The following USP12 variants were observed in gnomAD, a reference collection of about 807,000 sequenced individuals.
USP12 encodes the protein ubiquitin specific peptidase 12.
Under a neutral mutation model 45.5 loss-of-function variants are expected in USP12, and 19 were observed. That is an observed-to-expected ratio of 0.42 (90% confidence interval 0.29 to 0.61). The LOEUF (loss-of-function observed/expected upper bound fraction) is 0.61, where lower values mean the gene tolerates loss of function less well. Ranked by LOEUF, USP12 falls within the 20% of genes least tolerant of loss-of-function variation. The pLI is 0.22. For synonymous variants in USP12, 149 were observed against 148.8 expected (o/e 1.00, Z -0.01); for missense variants, 242 against 447.7 (o/e 0.54, Z 4.15).
chr13:27,091,256 G>C (rs1874301031), intron 4 of USP12, among the ~76,000 whole-genome samples: 1 of 152,230 alleles, frequency 6.6e-6, no homozygotes, highest in Admixed American at 6.5e-5. Context: ...AGGTAGGCTA[G>C]CCAGATCAGG....
intron 6 of USP12, 181 bp downstream of exon 6, chr13:27,089,702 T>C (rs1245872983): frequency 5.1e-6 from 3 of 590,778 alleles, no homozygotes; most frequent in South Asian, 4.9e-5. Context: ...ACAGTTTTTG[T>C]AAAATAAACA....
intron 6 of USP12, among the ~76,000 whole-genome samples, chr13:27,076,127 A>T (rs1361957660): frequency 1.3e-5 from 2 of 152,030 alleles, no homozygotes; most frequent in Admixed American, 1.3e-4. Context: ...TTTTTCTATC[A>T]ATCTATATGA....
intron 1 of USP12, among the ~76,000 whole-genome samples, chr13:27,120,728 G>T (rs1875945774): frequency 6.6e-6 from 1 of 151,452 alleles, no homozygotes; most frequent in Non-Finnish European, 1.5e-5. Context: ...ATTTTTTTCT[G>T]ACTTCTGTCC....
chr13:27,094,016 C>T lies in USP12; in HGVS notation c.573+1585G>A, dbSNP rs373850556. Among the ~76,000 whole-genome samples the T allele has an allele frequency of 3.3e-5, 5 of 152,116 alleles. No homozygotes were observed. The East Asian group carries it at 7.7e-4, about 23-fold the overall frequency. On this transcript the variant is annotated intron_variant, in intron 4 of 8. Coordinates refer to ENST00000282344, the MANE Select transcript of USP12 (RefSeq NM_182488.4). ...CTTTACAGGACTCTTAGCTTTCTTG[C>T]TTGTGGACCCTATTTTCCAATGTTA...
At chr13:27,164,152 AAAAT>A (rs1350918727) in intron 1 of USP12, among the ~76,000 whole-genome samples, 4 of 152,200 alleles carry the variant, frequency 2.6e-5, no homozygotes, top group Non-Finnish European at 4.4e-5. Context: ...AAAAAGCACT[AAAAT>A]AAAATCAAAG....
In USP12 at chr13:27,136,835, A is replaced by G. The variant is rs148933463; in HGVS notation, c.49-20239T>C. ...TACAATATTTAAGTAATAAAATGAT[A>G]TTTGGGATTTGCCCCTAAAGAATCT... On this transcript the variant is annotated intron_variant, in intron 1 of 8. Coordinates refer to ENST00000282344, the MANE Select transcript of USP12 (RefSeq NM_182488.4). Among the ~76,000 whole-genome samples the G allele has an allele frequency of 5.4e-4, 83 of 152,354 alleles. No homozygotes were observed. The East Asian group carries it at 0.011, about 21-fold the overall frequency.
chr13:27,115,002 T>G (rs965020824), intron 2 of USP12, among the ~76,000 whole-genome samples: 1 of 152,186 alleles, frequency 6.6e-6, no homozygotes, highest in African/African-American at 2.4e-5. Context: ...CTGCATCTAC[T>G]CTGACCACAG....
intron 2 of USP12, among the ~76,000 whole-genome samples, chr13:27,109,040 A>C (rs895404469): frequency 2.0e-5 from 3 of 152,200 alleles, no homozygotes; most frequent in Non-Finnish European, 4.4e-5. Flanking sequence ...GCAAACTAAT[A>C]TATAAAAGGA....
chr13:27,148,460 G>C, intron 1 of USP12, among the ~76,000 whole-genome samples: 1 of 151,696 alleles, frequency 6.6e-6, no homozygotes, highest in Non-Finnish European at 1.5e-5. Context: ...CAGATCACGA[G>C]GTCAGGAGTT....
At chr13:27,133,530 A>G (rs1876613308) in intron 1 of USP12, among the ~76,000 whole-genome samples, 1 of 150,416 alleles carries the variant, frequency 6.6e-6, no homozygotes, top group African/African-American at 2.4e-5. Context: ...GGTGGGGCTG[A>G]GGTAGGAGAA....
At chr13:27,121,565 C>A (rs1875987799) in intron 1 of USP12, among the ~76,000 whole-genome samples, 2 of 152,074 alleles carry the variant, frequency 1.3e-5, no homozygotes, top group East Asian at 3.9e-4. Context: ...CAGAATGAAA[C>A]TCAAGAAGAT....
intron 1 of USP12, among the ~76,000 whole-genome samples, chr13:27,159,840 A>T (rs1372631743): frequency 6.6e-6 from 1 of 152,236 alleles, no homozygotes; most frequent in Non-Finnish European, 1.5e-5. Context: ...AAATGGCAAG[A>T]ACATCACGGT....
chr13:27,148,822 G>A (rs1318593829), intron 1 of USP12, among the ~76,000 whole-genome samples: 1 of 18,278 alleles, frequency 5.5e-5, no homozygotes, highest in Non-Finnish European at 1.9e-4. Context: ...ACAAAAATCA[G>A]GTGACAAAAA....
intron 6 of USP12, among the ~76,000 whole-genome samples, chr13:27,084,610 A>C (rs1259707064): frequency 6.6e-6 from 1 of 151,566 alleles, no homozygotes; most frequent in Non-Finnish European, 1.5e-5. Context: ...TTTCGTGTGG[A>C]TATTCAGTTT....
Position 27,068,147 on chromosome 13 carries a change from A to C in USP12, c.*1136T>G, listed in dbSNP as rs558883484. 3 of 152,560 alleles carry C rather than the reference A, an allele frequency of 2.0e-5. No homozygotes were observed. In the South Asian group the frequency reaches 6.2e-4, roughly 32 times the overall value. 9.5% of individuals were successfully genotyped at this position (152,560 alleles called of 1,614,324 possible). On this transcript the variant is annotated 3_prime_UTR_variant, in exon 9 of 9. Transcript: ENST00000282344. ...GAACATTATGACTTCTTTCCAGGGT[A>C]AAAAATGGCATCTGAAAATAACATA...
chr13:27,163,685 G>A (rs1368829468), intron 1 of USP12, among the ~76,000 whole-genome samples: 1 of 147,282 alleles, frequency 6.8e-6, no homozygotes, highest in East Asian at 2.0e-4. Flanking sequence ...GCTCACACCT[G>A]TCATCCCAGC....
intron 2 of USP12, among the ~76,000 whole-genome samples, chr13:27,115,697 A>C (rs539737919): frequency 5.5e-4 from 84 of 152,330 alleles, no homozygotes; most frequent in African/African-American, 2.0e-3. Flanking sequence ...CCAAAGTTTT[A>C]AAAACGTGTA....
intron 2 of USP12, among the ~76,000 whole-genome samples, chr13:27,112,918 T>C (rs1049687365): frequency 3.3e-5 from 5 of 152,190 alleles, no homozygotes; most frequent in Non-Finnish European, 4.4e-5. Flanking sequence ...TTAACCACCA[T>C]AATGTCAATA....
chr13:27,143,629 G>C (rs1375459243), intron 1 of USP12, among the ~76,000 whole-genome samples: 1 of 152,100 alleles, frequency 6.6e-6, no homozygotes, highest in Non-Finnish European at 1.5e-5. Flanking sequence ...GAAGACATTG[G>C]TGGTCTCCAC....
Sources: gnomAD v4.1 joint callset for allele counts (sites outside exome capture counted in the v4.1 genomes callset) on GRCh38, gnomAD v4.1.1 for gene constraint, MANE v1.5 for transcripts, NCBI Gene and HGNC (gene_info 2026-07-23, HGNC 2026-07-21) for gene names.